ZNF407: variants seen among roughly 807,000 people sequenced by gnomAD.
ZNF407 encodes the protein zinc finger protein 407.
In ZNF407, 17 loss-of-function variants were observed where a neutral mutation model predicts 131.2. That is an observed-to-expected ratio of 0.13 (90% CI 0.09 to 0.19). The LOEUF (loss-of-function observed/expected upper bound fraction) is 0.19, where lower values mean the gene tolerates loss of function less well. Ranked by LOEUF, ZNF407 falls within the 10% of genes least tolerant of loss-of-function variation. The probability of loss-of-function intolerance (pLI) is 1.00; values close to 1 mark genes in which losing one functional copy is unlikely to be tolerated. For missense variants in ZNF407, 2,681 were observed against 2,830.6 expected, an observed-to-expected ratio of 0.95 and a Z score of 1.20; for synonymous variants, 1,156 against 1,062.0, an observed-to-expected ratio of 1.09 and a Z score of -1.72.
chr18:74,898,721 G>T (rs1433626944), intron 7 of ZNF407, among the ~76,000 whole-genome samples: 1 of 152,024 alleles, frequency 6.6e-6, no homozygotes, highest in African/African-American at 2.4e-5. Flanking sequence ...ACTTGACATG[G>T]TATTTTCTTT....
intron 1 of ZNF407, among the ~76,000 whole-genome samples, chr18:74,608,130 T>C (rs376349634): frequency 6.6e-6 from 1 of 152,234 alleles, no homozygotes; most frequent in Admixed American, 6.5e-5. Flanking sequence ...AAAGTTCCTA[T>C]GTATATACCT....
chr18:75,010,034 G>A (rs774234323), intron 8 of ZNF407, among the ~76,000 whole-genome samples: 1 of 152,142 alleles, frequency 6.6e-6, no homozygotes, highest in Non-Finnish European at 1.5e-5. Flanking sequence ...AATGCTAAAA[G>A]TCACAAAGTG....
intron 8 of ZNF407, among the ~76,000 whole-genome samples, chr18:74,991,765 C>T (rs1474155501): frequency 6.6e-6 from 1 of 152,176 alleles, no homozygotes; most frequent in Non-Finnish European, 1.5e-5. Flanking sequence ...CTAGTTCACC[C>T]ACTTAAACTC....
chr18:74,756,206 T>A (rs932853416), intron 3 of ZNF407, among the ~76,000 whole-genome samples: 11 of 152,118 alleles, frequency 7.2e-5, no homozygotes, highest in Non-Finnish European at 1.5e-4. Flanking sequence ...ATTTCATTTT[T>A]ATGCTATTAT....
At chr18:74,781,628 T>C in intron 4 of ZNF407, 126 bp downstream of exon 4, 1 of 632,956 alleles carries the variant, frequency 1.6e-6, no homozygotes, top group Non-Finnish European at 2.5e-6. Flanking sequence ...TGTGGTACTC[T>C]TTTGTCAAAT....
At chr18:74,799,885 G>A (rs1046742196) in intron 4 of ZNF407, among the ~76,000 whole-genome samples, 3 of 140,976 alleles carry the variant, frequency 2.1e-5, no homozygotes, top group East Asian at 2.0e-4. Flanking sequence ...CAGTATTGCC[G>A]TTGTTGAAAA....
rs762052755 is a variant in ZNF407 at position 74,634,678 on chromosome 18, C to T, written c.3659C>T (p.Ser1220Leu). Residue 1220 changes from serine to leucine, a missense_variant, in exon 2 of 9, where the codon TCG becomes TTG. Coordinates refer to ENST00000299687, the MANE Select transcript of ZNF407 (RefSeq NM_017757.3). ...CETAKKNHEI[S>L]NDAGELRVHC... Reference sequence around the variant, plus strand: ...ACAGCAAAGAAAAACCATGAGATATCGAATGATGCAGGTGAGCTGCGTGTC... The same window carrying T: ...ACAGCAAAGAAAAACCATGAGATATTGAATGATGCAGGTGAGCTGCGTGTC... The T allele has an allele frequency of 1.5e-5, 25 of 1,613,854 alleles. No individual in the cohort carries two copies. The highest frequency in any genetic ancestry group is 3.3e-4 in the Middle Eastern group (2 of 6,084).
At position 74,635,283 on chromosome 18, in the gene ZNF407, T is replaced by A; in HGVS notation, c.4264T>A (p.Leu1422Ile). ...AATTCGCTGTGATGATTGTGGCTTC[T>A]TAGCAGATGGACTGAGTGGACTGAA... is the stretch of plus-strand genomic sequence containing the variant. ...TRIRCDDCGF[L>I]ADGLSGLNVH... is the part of the protein sequence containing the mutation. Residue 1422 changes from leucine (L) to isoleucine (I), a missense_variant, in exon 2 of 9, where the codon TTA becomes ATA. Around this residue, in one of 6 missense-constraint regions of ZNF407, gnomAD observed 1,789 missense variants for 1,748.7 expected, o/e 1.02. Coordinates refer to ENST00000299687, the MANE Select transcript of ZNF407 (RefSeq NM_017757.3). The surrounding 1 kb of genome is among the most constrained non-coding windows in gnomAD (Gnocchi z 4.7). The A allele has an allele frequency of 1.2e-6, 2 of 1,614,050 alleles. No homozygotes were observed. The highest frequency in any genetic ancestry group is 2.7e-5 in the African/African-American group (2 of 75,062).
At chr18:75,035,263 A>T (rs149402395) in intron 8 of ZNF407, among the ~76,000 whole-genome samples, 2 of 152,278 alleles carry the variant, frequency 1.3e-5, no homozygotes, top group South Asian at 2.1e-4. Flanking sequence ...TGCTTTCATT[A>T]CCCTTTCACC....
intron 4 of ZNF407, among the ~76,000 whole-genome samples, chr18:74,791,513 T>A (rs1300985512): frequency 1.3e-5 from 2 of 152,280 alleles, no homozygotes; most frequent in East Asian, 3.9e-4. Context: ...CTCACCTTGG[T>A]GAAATGTATC....
At chr18:74,932,729 G>A (rs563263721) in intron 8 of ZNF407, among the ~76,000 whole-genome samples, 1 of 152,280 alleles carries the variant, frequency 6.6e-6, no homozygotes, top group Admixed American at 6.5e-5. Flanking sequence ...TGTATGATGT[G>A]ATTCTGGCTA....
chr18:74,670,067 G>A (rs548157410), intron 3 of ZNF407, among the ~76,000 whole-genome samples: 1 of 152,262 alleles, frequency 6.6e-6, no homozygotes, highest in South Asian at 2.1e-4. Context: ...TCTTTATTCT[G>A]TCCCAGGACT....
chr18:74,961,237 G>A (rs1972340719), intron 8 of ZNF407, among the ~76,000 whole-genome samples: 2 of 152,130 alleles, frequency 1.3e-5, no homozygotes, highest in Non-Finnish European at 2.9e-5. Flanking sequence ...AATTCTCACA[G>A]TAAGTCTTTG....
intron 4 of ZNF407, among the ~76,000 whole-genome samples, chr18:74,814,187 G>A (rs111979508): frequency 6.2e-4 from 94 of 152,178 alleles, no homozygotes; most frequent in Non-Finnish European, 1.2e-3. Context: ...CCAAGCCAGA[G>A]TATAGTGGTG....
chr18:74,814,409 G>A (rs975430388), intron 4 of ZNF407, among the ~76,000 whole-genome samples: 1 of 152,184 alleles, frequency 6.6e-6, no homozygotes, highest in African/African-American at 2.4e-5. Context: ...ACAGGCATTA[G>A]TCACCGCTCC....
intron 4 of ZNF407, among the ~76,000 whole-genome samples, chr18:74,803,165 G>C (rs994718190): frequency 6.6e-6 from 1 of 152,198 alleles, no homozygotes; most frequent in Non-Finnish European, 1.5e-5. Context: ...CCCTGTAACA[G>C]CCTTGTATTT....
At chr18:74,870,508 G>T (rs1971071792) in intron 4 of ZNF407, among the ~76,000 whole-genome samples, 1 of 152,186 alleles carries the variant, frequency 6.6e-6, no homozygotes, top group Non-Finnish European at 1.5e-5. Flanking sequence ...TTAGGTCTTT[G>T]TGGCTTCTTA....
At chr18:74,610,797 G>A (rs1029913190) in intron 1 of ZNF407, among the ~76,000 whole-genome samples, 3 of 151,926 alleles carry the variant, frequency 2.0e-5, no homozygotes, top group Non-Finnish European at 4.4e-5. Context: ...CAGGTGATCC[G>A]CCCACCTCAG....
chr18:74,761,313 G>A (rs1406885724), intron 3 of ZNF407, among the ~76,000 whole-genome samples: 2 of 151,982 alleles, frequency 1.3e-5, no homozygotes, highest in Non-Finnish European at 2.9e-5. Context: ...ATTTTGTGTA[G>A]TCTCTTTAGC....
Sources: allele counts gnomAD v4.1 joint callset (sites outside exome capture counted in the v4.1 genomes callset), GRCh38; gene constraint gnomAD v4.1.1; regional missense constraint gnomAD v4.1.1; non-coding constraint Gnocchi (gnomAD v3.1); transcripts MANE v1.5; gene names NCBI Gene and HGNC (gene_info 2026-07-23, HGNC 2026-07-21).